The following B3GALT1 variants were observed in gnomAD, a reference collection of about 807,000 sequenced individuals.
The protein encoded by B3GALT1 is UDP-Gal:betaGlcNAc beta 1,3-galactosyltransferase, polypeptide 1.
A neutral mutation model predicts 23.2 loss-of-function variants in B3GALT1; 10 were observed. The observed-to-expected ratio is 0.43, with a 90% CI of 0.27 to 0.73. B3GALT1 has a LOEUF of 0.73. Ranked by LOEUF, B3GALT1 falls within the 30% of genes least tolerant of loss-of-function variation. The probability of loss-of-function intolerance (pLI) is 0.21; values close to 1 mark genes in which losing one functional copy is unlikely to be tolerated. For synonymous variants in B3GALT1, 156 were observed against 141.5 expected (o/e 1.10, Z -0.73); for missense variants, 299 against 405.4 (o/e 0.74, Z 2.25).
At chr2:167,458,606 A>G (rs1418450891) in intron 1 of B3GALT1, among the ~76,000 whole-genome samples, 4 of 152,186 alleles carry the variant, frequency 2.6e-5, no homozygotes, top group Non-Finnish European at 5.9e-5. Context: ...CCACTCCCTC[A>G]TAAACACTTG....
At chr2:167,316,997 T>G (rs2105490174) in intron 1 of B3GALT1, among the ~76,000 whole-genome samples, 1 of 152,194 alleles carries the variant, frequency 6.6e-6, no homozygotes, top group African/African-American at 2.4e-5. Context: ...AATTTCGAGT[T>G]TCTGTCAATC....
chr2:167,809,268 CCTT>C (rs1558986383), intron 3 of B3GALT1, among the ~76,000 whole-genome samples: 1 of 152,258 alleles, frequency 6.6e-6, no homozygotes, highest in African/African-American at 2.4e-5. Context: ...TCGTCTGAAG[CCTT>C]CTTCTCTCAA....
intron 3 of B3GALT1, among the ~76,000 whole-genome samples, chr2:167,682,843 G>T (rs985142311): frequency 6.6e-6 from 1 of 152,216 alleles, no homozygotes. Flanking sequence ...TTAAATGAAA[G>T]AAGGAAATAA....
At chr2:167,608,758 G>T (rs1685010069) in intron 2 of B3GALT1, among the ~76,000 whole-genome samples, 1 of 152,104 alleles carries the variant, frequency 6.6e-6, no homozygotes, top group African/African-American at 2.4e-5. Context: ...CATTTGGAGG[G>T]TTACATTAAA....
At chr2:167,476,851 G>A (rs2105333962) in intron 1 of B3GALT1, among the ~76,000 whole-genome samples, 1 of 152,268 alleles carries the variant, frequency 6.6e-6, no homozygotes, top group East Asian at 1.9e-4. Flanking sequence ...AGAAAAAGAA[G>A]AAAGGGGGAT....
chr2:167,310,650 G>T (rs1327249995), intron 1 of B3GALT1, among the ~76,000 whole-genome samples: 2 of 152,026 alleles, frequency 1.3e-5, no homozygotes, highest in Non-Finnish European at 2.9e-5. Context: ...TGGGGAGGTA[G>T]CCAGGGCCTG....
chr2:167,349,115 A>AT (rs1448708166), intron 1 of B3GALT1, among the ~76,000 whole-genome samples: 1 of 152,128 alleles, frequency 6.6e-6, no homozygotes, highest in Non-Finnish European at 1.5e-5. Flanking sequence ...TCATGGTTTT[A>AT]TTTTTTGCAG....
chr2:167,519,144 T>G (rs1700146872), intron 2 of B3GALT1, among the ~76,000 whole-genome samples: 2 of 152,214 alleles, frequency 1.3e-5, no homozygotes, highest in African/African-American at 4.8e-5. Flanking sequence ...TTATATGATG[T>G]TACATATAGT....
chr2:167,408,401 T>A (rs1402647927), intron 1 of B3GALT1, among the ~76,000 whole-genome samples: 1 of 152,128 alleles, frequency 6.6e-6, no homozygotes, highest in East Asian at 1.9e-4. Context: ...ACAAACCCAC[T>A]GCTAACATCA....
intron 1 of B3GALT1, among the ~76,000 whole-genome samples, chr2:167,487,280 G>A (rs1456685495): frequency 6.6e-6 from 1 of 152,192 alleles, no homozygotes; most frequent in African/African-American, 2.4e-5. Context: ...CAGAGACTGG[G>A]AAGGTAATGT....
chr2:167,445,572 A>T (rs1262744807), intron 1 of B3GALT1, among the ~76,000 whole-genome samples: 3 of 152,200 alleles, frequency 2.0e-5, no homozygotes, highest in African/African-American at 7.2e-5. Flanking sequence ...ATATATATTT[A>T]GAGTTGTTAG....
chr2:167,554,450 G>T (rs1052173979), intron 2 of B3GALT1, among the ~76,000 whole-genome samples: 1 of 152,128 alleles, frequency 6.6e-6, no homozygotes, highest in Admixed American at 6.6e-5. Flanking sequence ...GGTAACAGCC[G>T]AAGGTAACAC....
chr2:167,764,435 G>A (rs1482472267), intron 3 of B3GALT1, among the ~76,000 whole-genome samples: 1 of 152,140 alleles, frequency 6.6e-6, no homozygotes, highest in African/African-American at 2.4e-5. Flanking sequence ...GTATGCAGAT[G>A]CTTACTGAAT....
chr2:167,771,526 G>A (rs994596931), intron 3 of B3GALT1, among the ~76,000 whole-genome samples: 1 of 152,128 alleles, frequency 6.6e-6, no homozygotes, highest in Non-Finnish European at 1.5e-5. Context: ...AGCCGAGATC[G>A]CGCCATTGCA....
At chr2:167,775,426 G>C (rs562684370) in intron 3 of B3GALT1, among the ~76,000 whole-genome samples, 2 of 151,844 alleles carry the variant, frequency 1.3e-5, no homozygotes, top group African/African-American at 4.8e-5. Context: ...AAAATTAGCC[G>C]GGTGTGGTGG....
intron 1 of B3GALT1, among the ~76,000 whole-genome samples, chr2:167,448,207 C>T (rs1699032370): frequency 6.6e-6 from 1 of 152,098 alleles, no homozygotes; most frequent in African/African-American, 2.4e-5. Context: ...TCACTGTTGT[C>T]CTTAGTGGTT....
intron 1 of B3GALT1, among the ~76,000 whole-genome samples, chr2:167,301,802 G>GC (rs1328880527): frequency 2.0e-5 from 3 of 152,080 alleles, no homozygotes; most frequent in Non-Finnish European, 2.9e-5. Flanking sequence ...ACCCACCTGG[G>GC]CCCCCCAAAG....
chr2:167,699,995 G>T (rs1385843624), intron 3 of B3GALT1, among the ~76,000 whole-genome samples: 1 of 152,224 alleles, frequency 6.6e-6, no homozygotes, highest in Non-Finnish European at 1.5e-5. Context: ...TTACAGGCGT[G>T]AGCCACCATG....
At chr2:167,432,722 A>G (rs1007995777) in intron 1 of B3GALT1, among the ~76,000 whole-genome samples, 1 of 152,228 alleles carries the variant, frequency 6.6e-6, no homozygotes, top group Admixed American at 6.5e-5. Context: ...AATGGAGAAT[A>G]AAGTATTCAA....
Sources: allele counts gnomAD v4.1 joint callset (sites outside exome capture counted in the v4.1 genomes callset), GRCh38; gene constraint gnomAD v4.1.1; transcripts MANE v1.5; gene names NCBI Gene and HGNC (gene_info 2026-07-23, HGNC 2026-07-21).